Variants in DDAH1 observed in about 807,000 individuals in gnomAD.
DDAH1 encodes the protein N(G),N(G)-dimethylarginine dimethylaminohydrolase 1.
Under a neutral mutation model 28.8 loss-of-function variants are expected in DDAH1, and 19 were observed. The ratio of observed to expected loss-of-function variants is 0.66; its 90% CI spans 0.46 to 0.97. The LOEUF is 0.97. Ranked by LOEUF, DDAH1 falls within the 50% of genes least tolerant of loss-of-function variation. The pLI, the probability that DDAH1 is intolerant of heterozygous loss-of-function variation, is 0.00. For synonymous variants in DDAH1, 153 were observed against 154.4 expected (o/e 0.99, Z 0.07); for missense variants, 326 against 375.9 (o/e 0.87, Z 1.10).
intron 1 of DDAH1, among the ~76,000 whole-genome samples, chr1:85,560,174 AG>A (rs1659098847): frequency 6.6e-6 from 1 of 152,186 alleles, no homozygotes; most frequent in Non-Finnish European, 1.5e-5. Flanking sequence ...ACATGCTAAA[AG>A]AGGCAGGGGA....
At chr1:85,546,257 G>C (rs1241052310) in intron 1 of DDAH1, among the ~76,000 whole-genome samples, 1 of 152,096 alleles carries the variant, frequency 6.6e-6, no homozygotes, top group African/African-American at 2.4e-5. Flanking sequence ...CGTTTTCTCA[G>C]GAGTTATCTT....
rs372553665 is a variant in DDAH1, at chr1:85,519,972, C to CTTTATGTATTTA, written c.-122-23692_-122-23691insTAAATACATAAA. On this transcript the variant is annotated intron_variant, in intron 1 of 6. Coordinates refer to the DDAH1 transcript ENST00000426972. ...GTAATGTTTCATTCTTTTTTTTCCC[C>CTTTATGTATTTA]TTTATTTATTTATTTATTTATTTAT... Among the ~76,000 whole-genome samples, 201 of 150,722 alleles carry CTTTATGTATTTA rather than the reference C, an allele frequency of 1.3e-3. 1 individual carries two copies. The highest frequency in any genetic ancestry group is 1.8e-3 in the Admixed American group (27 of 15,122).
intron 1 of DDAH1, among the ~76,000 whole-genome samples, chr1:85,455,400 A>G (rs1654841385): frequency 6.6e-6 from 1 of 152,212 alleles, no homozygotes; most frequent in African/African-American, 2.4e-5. Flanking sequence ...ATGTGTACAC[A>G]GCTAATTATA....
chr1:85,538,328 T>A (rs1658356305), intron 1 of DDAH1, among the ~76,000 whole-genome samples: 1 of 152,204 alleles, frequency 6.6e-6, no homozygotes, highest in Non-Finnish European at 1.5e-5. Context: ...ATCAGGATAG[T>A]ACCAAAAGCT....
chr1:85,382,622 T>C (rs1387814261), intron 1 of DDAH1, among the ~76,000 whole-genome samples: 1 of 152,212 alleles, frequency 6.6e-6, no homozygotes, highest in Non-Finnish European at 1.5e-5. Flanking sequence ...TCCAGTAGCC[T>C]TATATTGGAA....
At chr1:85,408,427 T>C (rs996655514) in intron 1 of DDAH1, among the ~76,000 whole-genome samples, 1 of 152,222 alleles carries the variant, frequency 6.6e-6, no homozygotes, top group East Asian at 1.9e-4. Context: ...ATTTCCATGA[T>C]TAAATGAACA....
At chr1:85,511,405 T>G (rs1557707675) in intron 1 of DDAH1, among the ~76,000 whole-genome samples, 1 of 151,980 alleles carries the variant, frequency 6.6e-6, no homozygotes. Context: ...GCAAGAAAGA[T>G]CTAAAATCGA....
At chr1:85,408,770 A>T (rs945423947) in intron 1 of DDAH1, among the ~76,000 whole-genome samples, 1 of 152,180 alleles carries the variant, frequency 6.6e-6, no homozygotes, top group Non-Finnish European at 1.5e-5. Context: ...TGACAATTAT[A>T]TGTATCCAAT....
chr1:85,326,490 T>A (rs1647404218), intron 4 of DDAH1, among the ~76,000 whole-genome samples: 1 of 152,236 alleles, frequency 6.6e-6, no homozygotes, highest in African/African-American at 2.4e-5. Context: ...GTCAAATAAC[T>A]TGCTTTAGGT....
chr1:85,455,522 A>G (rs1654846770), intron 1 of DDAH1, among the ~76,000 whole-genome samples: 1 of 152,228 alleles, frequency 6.6e-6, no homozygotes, highest in Non-Finnish European at 1.5e-5. Context: ...CTAACAGTTC[A>G]GCATCAGGAA....
chr1:85,335,468 G>C (rs979732630), intron 4 of DDAH1, among the ~76,000 whole-genome samples: 1 of 151,652 alleles, frequency 6.6e-6, no homozygotes, highest in African/African-American at 2.4e-5. Context: ...GAAAGTAAAG[G>C]GACAGAAAAA....
intron 1 of DDAH1, among the ~76,000 whole-genome samples, chr1:85,448,431 G>C (rs1654530392): frequency 1.3e-5 from 2 of 152,170 alleles, no homozygotes; most frequent in Admixed American, 1.3e-4. Flanking sequence ...GTTTATTTTA[G>C]AGTTCTATGA....
intron 1 of DDAH1, among the ~76,000 whole-genome samples, chr1:85,497,296 ACT>A (rs1402207493): frequency 6.6e-6 from 1 of 152,152 alleles, no homozygotes; most frequent in Admixed American, 6.5e-5. Context: ...TGTGAGTTGT[ACT>A]CTCTATTGGT....
intron 1 of DDAH1, among the ~76,000 whole-genome samples, chr1:85,392,812 AAAAAAG>A (rs1651623211): frequency 7.0e-6 from 1 of 142,624 alleles, no homozygotes; most frequent in Non-Finnish European, 1.5e-5. Context: ...AAAAAAAAAA[AAAAAAG>A]AAAGAAAATG....
chr1:85,566,590 A>G (rs926515961), intron 1 of DDAH1, among the ~76,000 whole-genome samples: 3 of 152,170 alleles, frequency 2.0e-5, no homozygotes, highest in Non-Finnish European at 4.4e-5. Context: ...TAATTTAAAT[A>G]TAAAGACACA....
At chr1:85,497,085 C>G (rs1656621441) in intron 1 of DDAH1, among the ~76,000 whole-genome samples, 2 of 152,174 alleles carry the variant, frequency 1.3e-5, no homozygotes, top group African/African-American at 4.8e-5. Context: ...GATGACTTAA[C>G]CTAACAGAAC....
At chr1:85,408,179 T>G (rs1028225307) in intron 1 of DDAH1, among the ~76,000 whole-genome samples, 1 of 152,234 alleles carries the variant, frequency 6.6e-6, no homozygotes, top group African/African-American at 2.4e-5. Context: ...TGGTTTCTTT[T>G]GCCCTTCACA....
chr1:85,503,522 T>TATCTATCC (rs1656896970), intron 1 of DDAH1, among the ~76,000 whole-genome samples: 1 of 112,576 alleles, frequency 8.9e-6, no homozygotes, highest in Admixed American at 8.4e-5. Context: ...AAAGTTCATC[T>TATCTATCC]ATCTATCTAT....
rs564141969 is a variant in DDAH1 at position 85,557,232 on chromosome 1, C to G, written c.-123+20752G>C. ...CAGGAACTGTCTTTTGCATTTACCACTATATCTCCTGTGTTAAGTACAGTG... is the reference window on the plus strand; with the variant it reads ...CAGGAACTGTCTTTTGCATTTACCAGTATATCTCCTGTGTTAAGTACAGTG... On this transcript the variant is annotated intron_variant, in intron 1 of 6. Transcript: ENST00000426972. Among the ~76,000 whole-genome samples the G allele has an allele frequency of 7.2e-5, 11 of 152,336 alleles. No individual in the cohort carries two copies. The South Asian group carries it at 2.3e-3, about 32-fold the overall frequency.
Sources: gnomAD v4.1 joint callset for allele counts (sites outside exome capture counted in the v4.1 genomes callset) on GRCh38, gnomAD v4.1.1 for gene constraint, MANE v1.5 for transcripts, NCBI Gene and HGNC (gene_info 2026-07-23, HGNC 2026-07-21) for gene names.